Variants in SCN10A observed in about 807,000 individuals in gnomAD.
SCN10A encodes the protein sodium voltage-gated channel alpha subunit 10.
A neutral mutation model predicts 170.7 loss-of-function variants in SCN10A; 162 were observed. The observed-to-expected ratio is 0.95, with a 90% CI of 0.84 to 1.08. SCN10A has a LOEUF of 1.08. Among genes scored for constraint, SCN10A ranks in the 50% least tolerant of loss-of-function variants. SCN10A has a pLI of 0.00. For synonymous variants in SCN10A, 985 were observed against 904.6 expected, an observed-to-expected ratio of 1.09 and a Z score of -1.59; for missense variants, 2,527 against 2,436.9, an observed-to-expected ratio of 1.04 and a Z score of -0.78.
At chr3:38,809,183 T>C (rs1028631323) in intron 1 of SCN10A, among the ~76,000 whole-genome samples, 2 of 152,238 alleles carry the variant, frequency 1.3e-5, no homozygotes, top group South Asian at 2.1e-4. Flanking sequence ...AGGACTGGGT[T>C]GGATCACACA....
chr3:38,793,411 G>A (rs1239440986), intron 2 of SCN10A, among the ~76,000 whole-genome samples: 3 of 152,020 alleles, frequency 2.0e-5, no homozygotes, highest in African/African-American at 7.2e-5. Flanking sequence ...ACCTCAAGAT[G>A]TCTGCTCTCC....
chr3:38,768,937 T>C (rs891500061), intron 5 of SCN10A, among the ~76,000 whole-genome samples: 2 of 152,266 alleles, frequency 1.3e-5, no homozygotes, highest in East Asian at 3.9e-4. Flanking sequence ...ATTGGCCGAT[T>C]TGTCATTTTT....
chr3:38,745,605 T>C (rs1391231818), intron 13 of SCN10A, among the ~76,000 whole-genome samples: 1 of 152,094 alleles, frequency 6.6e-6, no homozygotes, highest in African/African-American at 2.4e-5. Flanking sequence ...ACACCATATC[T>C]CCATTTCTTC....
rs558039959 is a variant in SCN10A at position 38,810,785 on chromosome 3, T to G, written c.-33+5252A>C. Among the ~76,000 whole-genome samples, 50 of 152,338 alleles carry G rather than the reference T, an allele frequency of 3.3e-4. 1 individual carries two copies. The South Asian group carries it at 0.01, about 31-fold the overall frequency. ...ACATACCCCAAGCAGGTTTGTTGAA[T>G]GTTTTCATGAAATAGTCTCATTAGG... On this transcript the variant is annotated intron_variant, in intron 1 of 27. Coordinates refer to ENST00000449082, the MANE Select transcript of SCN10A (RefSeq NM_006514.4).
In SCN10A at chr3:38,697,138, C is replaced by T; in HGVS notation, c.*211G>A. The T allele has an allele frequency of 1.6e-6, 1 of 632,886 alleles. No individual in the cohort carries two copies. The highest frequency in any genetic ancestry group is 2.3e-5 in the South Asian group (1 of 43,434). The allele number at this position is 632,886 out of a possible 1,614,324, so 39.2% of individuals were successfully genotyped here. A position where few individuals can be genotyped will look rare whatever the true frequency, so the allele number is the denominator to read the frequency against. On this transcript the variant is annotated 3_prime_UTR_variant, in exon 28 of 28. Coordinates refer to ENST00000449082, the MANE Select transcript of SCN10A (RefSeq NM_006514.4). ...ATATTGAAATTCAGAAGGGAAATCA[C>T]AGTGGAAGTGCTCTTAGCTTCTGAC...
Position 38,810,273 on chromosome 3 carries a change from G to A in SCN10A, c.-33+5764C>T, listed in dbSNP as rs151332219. Among the ~76,000 whole-genome samples the A allele has an allele frequency of 2.6e-5, 4 of 152,288 alleles. No individual in the cohort carries two copies. The East Asian group carries it at 7.7e-4, about 29-fold the overall frequency. ...CAGGTAGAAATGGGTTTTGGGCAAG[G>A]TTCTAAGCAAGAGCACTGTGAACAT... is the stretch of plus-strand genomic sequence containing the variant. On this transcript the variant is annotated intron_variant, in intron 1 of 27. Coordinates refer to ENST00000449082, the MANE Select transcript of SCN10A (RefSeq NM_006514.4).
At position 38,728,274 on chromosome 3, in the gene SCN10A, C is replaced by A. The variant is rs191234485; in HGVS notation, c.2640+268G>T. On this transcript the variant is annotated intron_variant, in intron 16 of 27. Coordinates refer to ENST00000449082, the MANE Select transcript of SCN10A (RefSeq NM_006514.4). ...ATCTTGAGGAGATTAAGTCTCTTGC[C>A]TGGGGTCACCCACCTAGTAAATGGT... Among the ~76,000 whole-genome samples the A allele has an allele frequency of 1.8e-4, 28 of 152,260 alleles. 1 individual carries two copies. The Middle Eastern group carries it at 0.02, about 111-fold the overall frequency.
chr3:38,764,889 T>G (rs1294548254), intron 5 of SCN10A, among the ~76,000 whole-genome samples: 1 of 152,176 alleles, frequency 6.6e-6, no homozygotes, highest in Non-Finnish European at 1.5e-5. Flanking sequence ...TATTTTTTGG[T>G]TATGGCCATT....
chr3:38,734,551 T>C (rs760731022), intron 15 of SCN10A, among the ~76,000 whole-genome samples: 5 of 152,362 alleles, frequency 3.3e-5, no homozygotes, highest in African/African-American at 4.8e-5. Context: ...AGAAAATCAA[T>C]TAATATAATT....
chr3:38,768,819 T>C (rs555210681), intron 5 of SCN10A, among the ~76,000 whole-genome samples: 1 of 152,322 alleles, frequency 6.6e-6, no homozygotes, highest in South Asian at 2.1e-4. Context: ...CCAGGGAAGT[T>C]TTCCTCAATT....
rs1246599567 is a variant in SCN10A at position 38,742,504 on chromosome 3, G to T, written c.1893C>A (p.Cys631Ter). The change falls in exon 14 of 28, where the codon TGC (cysteine) becomes TGA (stop). Residue 631 changes from cysteine (C) to a stop codon, truncating the protein, a stop_gained. Coordinates refer to ENST00000449082, the MANE Select transcript of SCN10A (RefSeq NM_006514.4). LOFTEE classifies it high-confidence loss of function. ...LEELEESEQKCPPCLTSLSQK... is the reference protein window; with the variant it reads ...LEELEESEQK ...GAGACAAGCTGGTCAAGCAGGGTGG[G>T]CACTTCTGTTCAGACTCCTCGAGTT... 1 of 1,614,018 alleles carries T rather than the reference G, an allele frequency of 6.2e-7. No individual in the cohort carries two copies. The highest frequency in any genetic ancestry group is 2.2e-5 in the East Asian group (1 of 44,892).
intron 4 of SCN10A, among the ~76,000 whole-genome samples, chr3:38,776,259 T>C (rs1024021885): frequency 6.6e-6 from 1 of 152,146 alleles, no homozygotes; most frequent in Non-Finnish European, 1.5e-5. Context: ...GACAAACAGA[T>C]TCATGCTTTG....
At chr3:38,806,643 A>G (rs1329515897) in intron 1 of SCN10A, among the ~76,000 whole-genome samples, 1 of 152,176 alleles carries the variant, frequency 6.6e-6, no homozygotes, top group Non-Finnish European at 1.5e-5. Context: ...AGGAAAATCA[A>G]ATAATGTATA....
intron 4 of SCN10A, among the ~76,000 whole-genome samples, chr3:38,775,527 A>C (rs2064062365): frequency 6.6e-6 from 1 of 152,200 alleles, no homozygotes; most frequent in African/African-American, 2.4e-5. Context: ...ACATTAGTGC[A>C]TAAGCCAACA....
At chr3:38,771,119 G>A (rs1291735434) in intron 5 of SCN10A, among the ~76,000 whole-genome samples, 160 bp downstream of exon 5, 1 of 152,240 alleles carries the variant, frequency 6.6e-6, no homozygotes, top group South Asian at 2.1e-4. Flanking sequence ...AATTCTTTCA[G>A]TTCTCCTGGT....
chr3:38,737,798 C>CTTTCTTTCTTTCTTTCTTTCTT (rs1553618376), intron 15 of SCN10A, among the ~76,000 whole-genome samples: 1 of 93,608 alleles, frequency 1.1e-5, no homozygotes. Context: ...CCCTCCCTTC[C>CTTTCTTTCTTTCTTTCTTTCTT]TCTTTCTTTC....
At chr3:38,756,227 A>G (rs2063802947) in intron 10 of SCN10A, among the ~76,000 whole-genome samples, 1 of 152,036 alleles carries the variant, frequency 6.6e-6, no homozygotes, top group South Asian at 2.1e-4. Context: ...GCAGCAGCTG[A>G]TGGCTCATAC....
At position 38,793,938 on chromosome 3, in the gene SCN10A, C is replaced by G; in HGVS notation, c.73G>C (p.Glu25Gln). The change falls in exon 2 of 28, where the codon GAG becomes CAG. Residue 25 changes from glutamate (E) to glutamine (Q), a missense_variant. Physicochemically the swap from Glu to Gln is conservative, Grantham distance 29. Transcript: ENST00000449082. The stretch of plus-strand genomic sequence containing the variant: ...CCCTGCTTGGCAGCAATTTGCTTCT[C>G]TATCTCCACCAGTGACTCCGGAGTA... ...RFTPESLVEI[E>Q]KQIAAKQGTK... 6.2e-7 allele frequency: 1 copy of G among 1,614,100 alleles called. No individual in the cohort carries two copies. Among genetic ancestry groups the G allele is most frequent in the Admixed American group, 1.7e-5 (1 of 60,016 alleles).
At chr3:38,787,221 C>T (rs909609498) in intron 4 of SCN10A, among the ~76,000 whole-genome samples, 2 of 151,846 alleles carry the variant, frequency 1.3e-5, no homozygotes, top group Non-Finnish European at 2.9e-5. Flanking sequence ...TATAATTTTC[C>T]TTATAGAGAT....
Sources: gnomAD v4.1 joint callset for allele counts (sites outside exome capture counted in the v4.1 genomes callset) on GRCh38, gnomAD v4.1.1 for gene constraint, MANE v1.5 for transcripts, NCBI Gene and HGNC (gene_info 2026-07-23, HGNC 2026-07-21) for gene names.